Variants in HEMK2 observed in about 807,000 individuals in gnomAD.
HEMK2 encodes methyltransferase HEMK2.
the HEMK2 span, among the ~76,000 whole-genome samples, chr21:28,639,744 A>C: frequency 6.6e-6 from 1 of 152,206 alleles, no homozygotes; most frequent in Non-Finnish European, 1.5e-5. Context: ...AGTTATTCAA[A>C]TCATGTTCAA....
the HEMK2 span, among the ~76,000 whole-genome samples, chr21:28,744,598 A>C: frequency 6.6e-6 from 1 of 152,134 alleles, no homozygotes; most frequent in Non-Finnish European, 1.5e-5. Flanking sequence ...CTTATCCACT[A>C]ATTTATGATT....
chr21:28,599,668 C>A, the HEMK2 span, among the ~76,000 whole-genome samples: 3 of 152,182 alleles, frequency 2.0e-5, no homozygotes, highest in Non-Finnish European at 4.4e-5. Context: ...AAAGTCTTAA[C>A]TAATTTCAGC....
chr21:28,661,488 C>A, the HEMK2 span, among the ~76,000 whole-genome samples: 1 of 152,104 alleles, frequency 6.6e-6, no homozygotes, highest in South Asian at 2.1e-4. Context: ...TGTGATTATG[C>A]TAATGACTAA....
At chr21:28,827,844 C>A in the HEMK2 span, among the ~76,000 whole-genome samples, 16 of 152,090 alleles carry the variant, frequency 1.1e-4, no homozygotes, top group Admixed American at 3.3e-4. Context: ...AATTTGCAAC[C>A]ATTTTATTTG....
At chr21:28,733,857 C>T in the HEMK2 span, among the ~76,000 whole-genome samples, 7 of 76,234 alleles carry the variant, frequency 9.2e-5, no homozygotes, top group African/African-American at 2.6e-4. Context: ...TCTTCCTCTG[C>T]GACAGCCTCT....
the HEMK2 span, among the ~76,000 whole-genome samples, chr21:28,598,857 G>A: frequency 6.6e-6 from 1 of 152,342 alleles, no homozygotes; most frequent in Admixed American, 6.5e-5. Context: ...AAATGCCACA[G>A]AATCCAGCCT....
chr21:28,644,999 G>A, the HEMK2 span, among the ~76,000 whole-genome samples: 1 of 152,162 alleles, frequency 6.6e-6, no homozygotes, highest in Non-Finnish European at 1.5e-5. Context: ...AACTGAATGT[G>A]CATGCCCTTG....
the HEMK2 span, among the ~76,000 whole-genome samples, chr21:28,605,967 A>G: frequency 1.3e-5 from 2 of 152,160 alleles, no homozygotes; most frequent in African/African-American, 4.8e-5. Flanking sequence ...AGTACAGTAA[A>G]TTATTTTTGG....
the HEMK2 span, among the ~76,000 whole-genome samples, chr21:28,666,458 AT>A: frequency 2.7e-3 from 413 of 152,378 alleles, no homozygotes; most frequent in Non-Finnish European, 4.9e-3. Flanking sequence ...AAACAAGAAA[AT>A]ATACACTTCT....
the HEMK2 span, among the ~76,000 whole-genome samples, chr21:28,653,713 C>A: frequency 7.7e-4 from 117 of 152,278 alleles, no homozygotes; most frequent in African/African-American, 2.7e-3. Flanking sequence ...CCACAGAAAT[C>A]TTGGACCCCT....
the HEMK2 span, among the ~76,000 whole-genome samples, chr21:28,737,584 T>C: frequency 6.8e-5 from 10 of 146,470 alleles, no homozygotes; most frequent in South Asian, 4.4e-4. Flanking sequence ...AATTAGTCCA[T>C]AGACTGTTAA....
the HEMK2 span, among the ~76,000 whole-genome samples, chr21:28,637,468 T>A: frequency 5.3e-4 from 76 of 144,674 alleles, no homozygotes; most frequent in African/African-American, 1.5e-3. Flanking sequence ...AAAAAAAAAA[T>A]GGAAGAATCC....
the HEMK2 span, among the ~76,000 whole-genome samples, chr21:28,792,343 T>G: frequency 6.6e-6 from 1 of 152,184 alleles, no homozygotes; most frequent in Non-Finnish European, 1.5e-5. Flanking sequence ...GCTTTCACTT[T>G]ATTGTGTGGA....
chr21:28,827,789 C>A, the HEMK2 span, among the ~76,000 whole-genome samples: 3 of 152,150 alleles, frequency 2.0e-5, no homozygotes, highest in African/African-American at 7.2e-5. Flanking sequence ...TGAGTTCTTA[C>A]AAGAAATTGC....
the HEMK2 span, among the ~76,000 whole-genome samples, chr21:28,633,895 G>A: frequency 4.9e-4 from 74 of 152,284 alleles, no homozygotes; most frequent in African/African-American, 1.6e-3. Context: ...ACGTTAGGGC[G>A]GTAACAGGAA....
the HEMK2 span, among the ~76,000 whole-genome samples, chr21:28,778,707 G>A: frequency 1.7e-4 from 26 of 152,228 alleles, no homozygotes; most frequent in African/African-American, 3.6e-4. Context: ...GCTTTTTGCC[G>A]TCTTATATCT....
At chr21:28,747,616 T>C in the HEMK2 span, among the ~76,000 whole-genome samples, 2 of 152,214 alleles carry the variant, frequency 1.3e-5, no homozygotes, top group Admixed American at 1.3e-4. Context: ...TTATGTTACA[T>C]AATCCTGAAA....
At chr21:28,646,277 T>C in the HEMK2 span, among the ~76,000 whole-genome samples, 13 of 152,292 alleles carry the variant, frequency 8.5e-5, no homozygotes, top group South Asian at 8.3e-4. Context: ...TCCTGATAGA[T>C]AACCCATAAA....
chr21:28,749,233 C>T, the HEMK2 span, among the ~76,000 whole-genome samples: 4 of 152,154 alleles, frequency 2.6e-5, no homozygotes, highest in Non-Finnish European at 5.9e-5. Context: ...TGATTTTCTT[C>T]TCAGTAGTGA....
Sources: allele counts gnomAD v4.1 joint callset (sites outside exome capture counted in the v4.1 genomes callset), GRCh38; gene constraint gnomAD v4.1.1; transcripts MANE v1.5; gene names NCBI Gene and HGNC (gene_info 2026-07-23, HGNC 2026-07-21).